SOX5: variants seen among roughly 807,000 people sequenced by gnomAD.
The protein encoded by SOX5 is SRY-box transcription factor 5, also known as transcription factor SOX-5.
In SOX5, 9 loss-of-function variants were observed where a neutral mutation model predicts 92.0. That is an observed-to-expected ratio of 0.10 (90% CI 0.06 to 0.17). SOX5 has a LOEUF of 0.17. SOX5 is among the 10% of genes least tolerant of loss of function. SOX5 has a pLI of 1.00. For missense variants in SOX5, 642 were observed against 944.5 expected (o/e 0.68, Z 4.20); for synonymous variants, 344 against 336.3 (o/e 1.02, Z -0.25).
At chr12:24,245,191 T>C (rs1419224652) in intron 3 of SOX5, among the ~76,000 whole-genome samples, 1 of 151,914 alleles carries the variant, frequency 6.6e-6, no homozygotes, top group African/African-American at 2.4e-5. Flanking sequence ...CAATAGACTA[T>C]GAGCTGCATG....
chr12:24,337,924 T>C (rs1268932157), intron 2 of SOX5, among the ~76,000 whole-genome samples: 1 of 151,094 alleles, frequency 6.6e-6, no homozygotes. Context: ...AATCACAATG[T>C]GACACACAAA....
chr12:23,843,812 C>T (rs1167493195), intron 3 of SOX5, among the ~76,000 whole-genome samples: 1 of 152,044 alleles, frequency 6.6e-6, no homozygotes, highest in Non-Finnish European at 1.5e-5. Context: ...GATCCACCTG[C>T]CACGGCCTCC....
intron 1 of SOX5, among the ~76,000 whole-genome samples, chr12:23,931,380 C>T (rs1941362597): frequency 2.0e-5 from 3 of 151,724 alleles, no homozygotes; most frequent in Non-Finnish European, 4.4e-5. Flanking sequence ...TCACATCACA[C>T]AGCCAGTGAA....
In SOX5 at chr12:24,256,835, C is replaced by T. The variant is rs542498204; in HGVS notation, c.-77+20381G>A. Among the ~76,000 whole-genome samples the T allele has an allele frequency of 2.6e-5, 4 of 152,310 alleles. No individual in the cohort carries two copies. In the East Asian group the frequency reaches 7.7e-4, roughly 29 times the overall value. On this transcript the variant is annotated intron_variant, in intron 3 of 4. Transcript: ENST00000446891. ...TTACCCCGTTATTGTCATCTGCCTG[C>T]TGCATGACTCCCGGCTTTGCTATAA... is the stretch of plus-strand genomic sequence containing the variant.
At chr12:23,633,117 A>G (rs536492602) in intron 8 of SOX5, among the ~76,000 whole-genome samples, 2 of 152,200 alleles carry the variant, frequency 1.3e-5, no homozygotes, top group African/African-American at 2.4e-5. Context: ...TTGGCTTCCT[A>G]TAGGTAGAAC....
At chr12:24,554,947 A>C (rs781071867) in intron 1 of SOX5, among the ~76,000 whole-genome samples, 1 of 152,230 alleles carries the variant, frequency 6.6e-6, no homozygotes, top group Admixed American at 6.5e-5. Flanking sequence ...AGTTTCTTTT[A>C]ATTTAAAGTT....
chr12:24,191,095 G>A (rs186938793), intron 4 of SOX5, among the ~76,000 whole-genome samples: 8 of 152,166 alleles, frequency 5.3e-5, no homozygotes, highest in South Asian at 2.1e-4. Flanking sequence ...GTGCACCACC[G>A]CACCTGGCTT....
intron 2 of SOX5, among the ~76,000 whole-genome samples, chr12:24,315,315 A>G (rs1949596472): frequency 6.6e-6 from 1 of 152,210 alleles, no homozygotes; most frequent in Non-Finnish European, 1.5e-5. Context: ...TCCTATGCAC[A>G]TATATTAAAC....
intron 4 of SOX5, among the ~76,000 whole-genome samples, chr12:24,020,307 C>T (rs1257786978): frequency 6.6e-6 from 1 of 152,096 alleles, no homozygotes; most frequent in East Asian, 1.9e-4. Flanking sequence ...ATCGTTACAC[C>T]TGAGGTTACT....
At chr12:24,072,587 G>A (rs548527282) in intron 4 of SOX5, among the ~76,000 whole-genome samples, 1 of 152,210 alleles carries the variant, frequency 6.6e-6, no homozygotes, top group East Asian at 1.9e-4. Flanking sequence ...CTTGCCCAAG[G>A]CCCTAAAGCT....
At chr12:24,319,419 G>C (rs548828022) in intron 2 of SOX5, among the ~76,000 whole-genome samples, 3 of 152,066 alleles carry the variant, frequency 2.0e-5, no homozygotes, top group African/African-American at 7.2e-5. Context: ...CCTATTTTTC[G>C]AAGCCAGAAA....
chr12:24,110,900 CAA>C (rs67100585), intron 4 of SOX5, among the ~76,000 whole-genome samples: 20 of 27,586 alleles, frequency 7.3e-4, no homozygotes, highest in South Asian at 5.6e-3. Context: ...GACTCCACTT[CAA>C]AAAAAAAAAA....
intron 4 of SOX5, among the ~76,000 whole-genome samples, chr12:24,073,256 A>G (rs978280999): frequency 2.6e-5 from 4 of 152,230 alleles, no homozygotes; most frequent in Admixed American, 2.6e-4. Context: ...CCTGGATCCT[A>G]TAGCATATGA....
chr12:23,917,455 A>G (rs2097428821), intron 1 of SOX5, among the ~76,000 whole-genome samples: 2 of 152,196 alleles, frequency 1.3e-5, no homozygotes, highest in Non-Finnish European at 2.9e-5. Context: ...CTGGTGGCTG[A>G]GGCAAGAGAA....
Position 23,657,926 on chromosome 12 carries a change from T to A in SOX5, c.931+7518A>T, listed in dbSNP as rs139571154. On this transcript the variant is annotated intron_variant, in intron 7 of 14. Transcript: ENST00000451604. ...CTTAAATGTTAAAAAGTAAATGACA[T>A]GGATTAAAAGAAAAGCTAGTTATGG... Among the ~76,000 whole-genome samples, 67 of 152,280 alleles carry A rather than the reference T, an allele frequency of 4.4e-4. No individual in the cohort carries two copies. In the East Asian group the frequency reaches 8.1e-3, roughly 18 times the overall value.
At chr12:23,708,848 C>A (rs1327551275) in intron 6 of SOX5, among the ~76,000 whole-genome samples, 1 of 152,044 alleles carries the variant, frequency 6.6e-6, no homozygotes, top group Non-Finnish European at 1.5e-5. Context: ...ATTTGTAGCC[C>A]ACAAATTCAC....
At chr12:24,216,548 T>C (rs1959179255) in intron 3 of SOX5, among the ~76,000 whole-genome samples, 1 of 152,114 alleles carries the variant, frequency 6.6e-6, no homozygotes, top group Admixed American at 6.5e-5. Context: ...CTCCTACCTC[T>C]GGGGAAAGAA....
At chr12:23,914,758 CT>C (rs2097395090) in intron 1 of SOX5, among the ~76,000 whole-genome samples, 1 of 152,122 alleles carries the variant, frequency 6.6e-6, no homozygotes, top group East Asian at 1.9e-4. Context: ...TTTAGCTTAA[CT>C]TTTTTATTAT....
At chr12:23,656,949 C>T in intron 7 of SOX5, among the ~76,000 whole-genome samples, 1 of 151,808 alleles carries the variant, frequency 6.6e-6, no homozygotes, top group East Asian at 1.9e-4. Flanking sequence ...TCAGAAAGTG[C>T]CACCTTTAAT....
Sources: allele counts gnomAD v4.1 joint callset (sites outside exome capture counted in the v4.1 genomes callset), GRCh38; gene constraint gnomAD v4.1.1; transcripts MANE v1.5; gene names NCBI Gene and HGNC (gene_info 2026-07-23, HGNC 2026-07-21).